The following NLRP7 variants were observed in gnomAD, a reference collection of about 807,000 sequenced individuals.
NLRP7 encodes the protein NLR family pyrin domain containing 7, also known as NACHT, LRR and PYD domains-containing protein 7.
A neutral mutation model predicts 85.5 loss-of-function variants in NLRP7; 72 were observed. That is an observed-to-expected ratio of 0.84 (90% CI 0.70 to 1.02). The LOEUF (loss-of-function observed/expected upper bound fraction) is 1.02, where lower values mean the gene tolerates loss of function less well. Among genes scored for constraint, NLRP7 ranks in the 50% least tolerant of loss-of-function variants. The pLI, the probability that NLRP7 is intolerant of heterozygous loss-of-function variation, is 0.00. For synonymous variants in NLRP7, 550 were observed against 505.2 expected, an observed-to-expected ratio of 1.09 and a Z score of -1.19; for missense variants, 1,243 against 1,219.5, an observed-to-expected ratio of 1.02 and a Z score of -0.29.
chr19:54,943,254 G>A (rs965666695), intron 1 of NLRP7, among the ~76,000 whole-genome samples: 4 of 152,036 alleles, frequency 2.6e-5, no homozygotes, highest in Admixed American at 6.6e-5. Flanking sequence ...AGGTTGCAGT[G>A]AGCCAGCCAC....
intron 1 of NLRP7, among the ~76,000 whole-genome samples, chr19:54,954,336 C>T (rs2069777792): frequency 6.9e-6 from 1 of 144,702 alleles, no homozygotes; most frequent in African/African-American, 2.6e-5. Context: ...ACCATCCTGG[C>T]TAACACGGTG....
In NLRP7 at chr19:54,934,716, C is replaced by T; in HGVS notation, c.2301-57G>A. On this transcript the variant is annotated intron_variant, in intron 6 of 9. Transcript: ENST00000340844. This position sits in a 1 kb window ranked among gnomAD's most constrained non-coding sequence, Gnocchi z 6.7. The stretch of plus-strand genomic sequence containing the variant: ...GGGAGGACAGAGTATACCCTATCAG[C>T]TTTTTTTTTTTGAGACAGAGTTTCA... The T allele has an allele frequency of 8.9e-7, 1 of 1,129,380 alleles. No homozygotes were observed. The highest frequency in any genetic ancestry group is 1.2e-6 in the Non-Finnish European group (1 of 831,934). The allele number at this position is 1,129,380 out of a possible 1,614,324, so 70.0% of individuals were successfully genotyped here.
intron 1 of NLRP7, among the ~76,000 whole-genome samples, chr19:54,964,910 T>C (rs2070287265): frequency 8.8e-6 from 1 of 113,666 alleles, no homozygotes; most frequent in Admixed American, 8.5e-5. Flanking sequence ...GTCATTGATA[T>C]TTCACTTGAA....
intron 8 of NLRP7, among the ~76,000 whole-genome samples, chr19:54,931,002 G>A (rs765436976): frequency 1.8e-4 from 28 of 151,898 alleles, no homozygotes; most frequent in Non-Finnish European, 3.1e-4. Flanking sequence ...CAGCCCGGGC[G>A]ACAGAGCGAG....
At chr19:54,947,286 C>T (rs978550336) in intron 1 of NLRP7, among the ~76,000 whole-genome samples, 183 bp downstream of exon 1, 1 of 151,602 alleles carries the variant, frequency 6.6e-6, no homozygotes, top group South Asian at 2.1e-4. Flanking sequence ...AAGATCACGC[C>T]ACTGCACTCC....
chr19:54,961,249 G>A (rs28760968), intron 1 of NLRP7, among the ~76,000 whole-genome samples: 11,550 of 151,812 alleles, frequency 0.076, 716 homozygotes, highest in African/African-American at 0.15. Flanking sequence ...AGTGTCTCAC[G>A]CCTGTAATTC....
At chr19:54,930,377 G>A (rs2068624740) in intron 9 of NLRP7, 122 bp downstream of exon 9, 4 of 718,718 alleles carry the variant, frequency 5.6e-6, no homozygotes, top group Admixed American at 2.1e-5. Context: ...TGGGAGAACC[G>A]ATCAAGCCTG....
chr19:54,940,065 C>T (rs1348531321), exon 4 of NLRP7: 4 of 1,614,190 alleles, frequency 2.5e-6, no homozygotes, highest in South Asian at 1.1e-5. Context: ...AGGCCATCGA[C>T]CACGAACAGG....
At chr19:54,947,360 C>T in intron 1 of NLRP7, 109 bp downstream of exon 1, 1 of 803,316 alleles carries the variant, frequency 1.2e-6, no homozygotes, top group Non-Finnish European at 1.8e-6. Flanking sequence ...TTCCAGCATC[C>T]TCGCACCAAC....
At chr19:54,946,798 C>T (rs944204799) in intron 1 of NLRP7, among the ~76,000 whole-genome samples, 1 of 152,102 alleles carries the variant, frequency 6.6e-6, no homozygotes, top group Non-Finnish European at 1.5e-5. Context: ...CACCACCACA[C>T]CTGGCTAATT....
chr19:54,957,148 A>C (rs1174525251), intron 1 of NLRP7, among the ~76,000 whole-genome samples: 1 of 151,468 alleles, frequency 6.6e-6, no homozygotes, highest in Non-Finnish European at 1.5e-5. Context: ...CAGCCTCCCA[A>C]GTAGCTGGGA....
chr19:54,944,898 G>T (rs866188916), intron 1 of NLRP7, among the ~76,000 whole-genome samples: 1 of 152,068 alleles, frequency 6.6e-6, no homozygotes, highest in African/African-American at 2.4e-5. Context: ...GCTTCATATA[G>T]TTGCCTTTCG....
intron 1 of NLRP7, among the ~76,000 whole-genome samples, chr19:54,942,538 A>T (rs1408503706): frequency 6.6e-6 from 1 of 150,524 alleles, no homozygotes; most frequent in Non-Finnish European, 1.5e-5. Flanking sequence ...AGCCTGACCA[A>T]CACGGCGAAA....
chr19:54,934,413 G>A lies in NLRP7; in HGVS notation c.2471+76C>T. 2 of 1,482,914 alleles carry A rather than the reference G, an allele frequency of 1.3e-6. No individual in the cohort carries two copies. The highest frequency in any genetic ancestry group is 1.7e-5 in the Admixed American group (1 of 59,822). 91.9% of individuals were successfully genotyped at this position (1,482,914 alleles called of 1,614,324 possible). ...CAAGAGGCGCCACGTGGGTGGCGCA[G>A]TAAGTCAGGTGTTACCCTTTCTCTT... On this transcript the variant is annotated intron_variant, in intron 7 of 9. Coordinates refer to ENST00000340844, the Ensembl canonical transcript of NLRP7. This position sits in a 1 kb window ranked among gnomAD's most constrained non-coding sequence, Gnocchi z 6.7.
At chr19:54,925,243 G>A (rs1454168302) in intron 9 of NLRP7, among the ~76,000 whole-genome samples, 5 of 152,106 alleles carry the variant, frequency 3.3e-5, no homozygotes, top group Admixed American at 6.6e-5. Flanking sequence ...CTAGAGATTT[G>A]TCACCAATAG....
chr19:54,958,560 G>A (rs985190069), intron 1 of NLRP7, among the ~76,000 whole-genome samples: 3 of 151,994 alleles, frequency 2.0e-5, no homozygotes, highest in Non-Finnish European at 4.4e-5. Context: ...CAGGAGAATC[G>A]CTTGAACCCG....
At chr19:54,952,848 C>T (rs2069715071) in intron 1 of NLRP7, among the ~76,000 whole-genome samples, 1 of 151,998 alleles carries the variant, frequency 6.6e-6, no homozygotes, top group Non-Finnish European at 1.5e-5. Flanking sequence ...ACAGTTAAGG[C>T]ATTCTCCAAA....
chr19:54,931,249 C>G (rs1016343519), intron 8 of NLRP7, among the ~76,000 whole-genome samples: 2 of 151,878 alleles, frequency 1.3e-5, no homozygotes, highest in Non-Finnish European at 2.9e-5. Flanking sequence ...TGGTGAAACC[C>G]CATCTCTACT....
chr19:54,949,176 G>C (rs1306542723), upstream of NLRP7, among the ~76,000 whole-genome samples: 1 of 152,044 alleles, frequency 6.6e-6, no homozygotes, highest in Admixed American at 6.6e-5. Flanking sequence ...TACTCAGGAG[G>C]CTGAGGCGTA....
Sources: allele counts gnomAD v4.1 joint callset (sites outside exome capture counted in the v4.1 genomes callset), GRCh38; gene constraint gnomAD v4.1.1; non-coding constraint Gnocchi (gnomAD v3.1); transcripts MANE v1.5; gene names NCBI Gene and HGNC (gene_info 2026-07-23, HGNC 2026-07-21).